Variants in ANGPT2 observed in about 807,000 individuals in gnomAD.
ANGPT2 encodes the protein angiopoietin 2.
ANGPT2 carries 28 observed loss-of-function variants against 62.9 expected under a neutral mutation model. The observed-to-expected ratio is 0.44, with a 90% CI of 0.33 to 0.61. ANGPT2 has a LOEUF of 0.61. Ranked by LOEUF, ANGPT2 falls within the 20% of genes least tolerant of loss-of-function variation. ANGPT2 has a pLI of 0.03. For missense variants in ANGPT2, 727 were observed against 594.9 expected (o/e 1.22, Z -2.31); for synonymous variants, 284 against 207.8 (o/e 1.37, Z -3.15).
At chr8:6,553,016 G>A (rs1205900722) in intron 1 of ANGPT2, among the ~76,000 whole-genome samples, 9 of 152,212 alleles carry the variant, frequency 5.9e-5, no homozygotes, top group African/African-American at 2.2e-4. Flanking sequence ...TGCTCTGTGT[G>A]ATGCTACAAT....
intron 1 of ANGPT2, among the ~76,000 whole-genome samples, chr8:6,559,911 A>G (rs1241412340): frequency 6.6e-6 from 1 of 152,158 alleles, no homozygotes; most frequent in African/African-American, 2.4e-5. Flanking sequence ...GCTGTCCTGT[A>G]TTGTTCCATT....
chr8:6,514,794 C>T lies in ANGPT2; in HGVS notation c.928-16G>A. On this transcript the variant is annotated splice_polypyrimidine_tract_variant and intron_variant, in intron 5 of 8. Coordinates refer to ENST00000629816, the MANE Select transcript of ANGPT2 (RefSeq NM_001118887.2). ...CACAGTAGGCCTGCAAACAGGAATG[C>T]AGGGTATAAGTGACAGAGCCCCCCC... 2 of 1,611,530 alleles carry T rather than the reference C, an allele frequency of 1.2e-6. No individual in the cohort carries two copies. Among genetic ancestry groups the T allele is most frequent in the Non-Finnish European group, 1.7e-6 (2 of 1,177,884 alleles).
intron 7 of ANGPT2, among the ~76,000 whole-genome samples, chr8:6,511,899 C>CTT (rs34089402): frequency 0.017 from 2,353 of 141,932 alleles, 61 homozygotes; most frequent in African/African-American, 0.057. Context: ...TTTTGTGCTT[C>CTT]TTTTTTTTTT....
rs73664544 is a variant in ANGPT2, at chr8:6,548,280, G to C, written c.288+14367C>G. Among the ~76,000 whole-genome samples the C allele has an allele frequency of 2.6e-3, 397 of 152,274 alleles. 3 individuals are homozygous for C. Among genetic ancestry groups the C allele is most frequent in the African/African-American group, 9.3e-3 (387 of 41,550 alleles). On this transcript the variant is annotated intron_variant, in intron 1 of 8. Transcript: ENST00000629816. ...GCACCCTGGCATTTTCAGGTGGTGT[G>C]TGTAGACCTGACAGGACTCTACTCG... is the stretch of plus-strand genomic sequence containing the variant.
chr8:6,555,743 A>C (rs769990726), intron 1 of ANGPT2, among the ~76,000 whole-genome samples: 7 of 152,180 alleles, frequency 4.6e-5, no homozygotes, highest in Admixed American at 1.3e-4. Context: ...GATTACAGGC[A>C]TGAGCCACTG....
chr8:6,536,293 G>T (rs1360101569), intron 1 of ANGPT2, among the ~76,000 whole-genome samples: 1 of 152,108 alleles, frequency 6.6e-6, no homozygotes, highest in Non-Finnish European at 1.5e-5. Context: ...CGCTGTGTCG[G>T]GATCCCAGGC....
At chr8:6,504,891 T>C (rs1269273025) in intron 8 of ANGPT2, among the ~76,000 whole-genome samples, 1 of 152,026 alleles carries the variant, frequency 6.6e-6, no homozygotes, top group Non-Finnish European at 1.5e-5. Flanking sequence ...TCTTGGAATG[T>C]TTCCCCTAAG....
chr8:6,540,175 G>T (rs1821285796), intron 1 of ANGPT2, among the ~76,000 whole-genome samples: 1 of 152,044 alleles, frequency 6.6e-6, no homozygotes, highest in South Asian at 2.1e-4. Context: ...CATATTCTTT[G>T]CATTAATTTT....
At chr8:6,504,259 A>G (rs1290918652) in intron 8 of ANGPT2, among the ~76,000 whole-genome samples, 2 of 139,710 alleles carry the variant, frequency 1.4e-5, no homozygotes, top group East Asian at 4.5e-4. Flanking sequence ...CGGAGCTTGC[A>G]GTGAGCCGAG....
At chr8:6,516,647 A>G (rs1816327365) in intron 5 of ANGPT2, among the ~76,000 whole-genome samples, 2 of 152,204 alleles carry the variant, frequency 1.3e-5, no homozygotes, top group Non-Finnish European at 2.9e-5. Context: ...AACCAGCTGA[A>G]TAAGCTACTT....
At chr8:6,532,849 T>A (rs1819787422) in intron 1 of ANGPT2, among the ~76,000 whole-genome samples, 1 of 152,196 alleles carries the variant, frequency 6.6e-6, no homozygotes, top group African/African-American at 2.4e-5. Flanking sequence ...CCTACCCAGC[T>A]GCAACTCTGA....
rs781086750 is a variant in ANGPT2 at position 6,503,155 on chromosome 8, G to T, written c.1434C>A (p.Gly478=). ...FNGIKWYYWK[G]SGYSLKATTM... is the part of the protein sequence containing the mutation. Reference sequence around the variant, plus strand: ...TTGTGGCCTTGAGCGAATAGCCTGAGCCTTTCCAGTAGTACCATTTAATGC... The same window carrying T: ...TTGTGGCCTTGAGCGAATAGCCTGATCCTTTCCAGTAGTACCATTTAATGC... The change falls in exon 9 of 9, where the codon GGC becomes GGA. Residue 478 remains glycine, a synonymous_variant. Transcript: ENST00000629816. 1.2e-6 allele frequency: 2 copies of T among 1,614,196 alleles called. No individual in the cohort carries two copies. Among genetic ancestry groups the T allele is most frequent in the South Asian group, 2.2e-5 (2 of 91,080 alleles).
rs371319484 is a variant in ANGPT2 at position 6,503,307 on chromosome 8, G to T, written c.1328-46C>A. 5 of 1,606,324 alleles carry T rather than the reference G, an allele frequency of 3.1e-6. No homozygotes were observed. In the African/African-American group the frequency reaches 5.3e-5, roughly 17 times the overall value. ...AGGAATTAGGAACTAGGTGATGCCA[G>T]CTCCCACCACGAAGACAGCAATACT... On this transcript the variant is annotated intron_variant, in intron 8 of 8. Transcript: ENST00000629816.
chr8:6,520,467 C>A (rs1039748260), intron 4 of ANGPT2, among the ~76,000 whole-genome samples: 1 of 152,162 alleles, frequency 6.6e-6, no homozygotes, highest in Non-Finnish European at 1.5e-5. Flanking sequence ...CACATCTCAG[C>A]TTACCGCATC....
intron 1 of ANGPT2, among the ~76,000 whole-genome samples, chr8:6,559,668 C>G (rs918197689): frequency 1.3e-5 from 2 of 152,010 alleles, no homozygotes; most frequent in African/African-American, 4.8e-5. Flanking sequence ...CATATTTCCT[C>G]TTATCAGAAA....
intron 1 of ANGPT2, among the ~76,000 whole-genome samples, chr8:6,554,863 C>T (rs909716946): frequency 1.3e-5 from 2 of 152,132 alleles, no homozygotes; most frequent in African/African-American, 2.4e-5. Flanking sequence ...GTCCAGTTCT[C>T]AGGAGTTTTT....
At chr8:6,560,563 A>G (rs531693674) in intron 1 of ANGPT2, among the ~76,000 whole-genome samples, 52 of 152,316 alleles carry the variant, frequency 3.4e-4, no homozygotes, top group African/African-American at 1.3e-3. Context: ...CGTTGCTGAG[A>G]TAGGCTGGGA....
chr8:6,508,185 C>G (rs1427283701), intron 8 of ANGPT2: 1 of 152,204 alleles, frequency 6.6e-6, no homozygotes, highest in Non-Finnish European at 1.5e-5. Context: ...TGTGGTGGCT[C>G]ACACCTGTAA....
At chr8:6,554,636 G>A (rs542696982) in intron 1 of ANGPT2, among the ~76,000 whole-genome samples, 13 of 152,256 alleles carry the variant, frequency 8.5e-5, no homozygotes, top group African/African-American at 3.1e-4. Flanking sequence ...TTTTGTGGTG[G>A]TAAGTTGTCA....
Sources: allele counts gnomAD v4.1 joint callset (sites outside exome capture counted in the v4.1 genomes callset), GRCh38; gene constraint gnomAD v4.1.1; transcripts MANE v1.5; gene names NCBI Gene and HGNC (gene_info 2026-07-23, HGNC 2026-07-21).